Variants in SLC16A10 observed in about 807,000 individuals in gnomAD.
SLC16A10 encodes the protein monocarboxylate transporter 10.
SLC16A10 carries 27 observed loss-of-function variants against 40.0 expected under a neutral mutation model. The observed-to-expected ratio is 0.67, with a 90% CI of 0.50 to 0.93. SLC16A10 has a LOEUF of 0.93. Ranked by LOEUF, SLC16A10 falls within the 40% of genes least tolerant of loss-of-function variation. The probability of loss-of-function intolerance (pLI) is 0.00; values close to 1 mark genes in which losing one functional copy is unlikely to be tolerated. For synonymous variants in SLC16A10, 213 were observed against 249.8 expected, an observed-to-expected ratio of 0.85 and a Z score of 1.39; for missense variants, 529 against 658.2, an observed-to-expected ratio of 0.80 and a Z score of 2.15.
At chr6:111,106,715 A>G (rs534586674) in intron 1 of SLC16A10, among the ~76,000 whole-genome samples, 11 of 152,360 alleles carry the variant, frequency 7.2e-5, no homozygotes, top group Admixed American at 5.9e-4. Context: ...TCTAAGCTTA[A>G]TGATAAGTGA....
rs1554261471 is a variant in SLC16A10, at chr6:111,203,751, T to TAAATAAATAAATAAATAAAAAAAA, written c.943-2838_943-2837insTAAATAAATAAATAAAAAAAAAAA. Among the ~76,000 whole-genome samples, 3 of 147,678 alleles carry TAAATAAATAAATAAATAAAAAAAA rather than the reference T, an allele frequency of 2.0e-5. No homozygotes were observed. The East Asian group carries it at 6.0e-4, about 30-fold the overall frequency. On this transcript the variant is annotated intron_variant, in intron 3 of 5. Transcript: ENST00000368851. Reference sequence around the variant, plus strand: ...ATAAATAAATAAATAAATAAATAAATAAAATAATGCCCCTTCTAGTTGAAA... The same window carrying TAAATAAATAAATAAATAAAAAAAA: ...ATAAATAAATAAATAAATAAATAAATAAATAAATAAATAAATAAAAAAAAAAAATAATGCCCCTTCTAGTTGAAA...
At chr6:111,127,593 A>G (rs1771699370) in intron 1 of SLC16A10, among the ~76,000 whole-genome samples, 1 of 152,212 alleles carries the variant, frequency 6.6e-6, no homozygotes, top group Admixed American at 6.5e-5. Context: ...CTTTCTTGCT[A>G]GAATCTTATG....
intron 3 of SLC16A10, chr6:111,178,444 T>G (rs1170075486): frequency 1.9e-6 from 1 of 531,654 alleles, no homozygotes; most frequent in Admixed American, 1.9e-5. Flanking sequence ...ATAATTAATG[T>G]CTAGACTGGG....
At chr6:111,156,180 A>G (rs1772266448) in intron 1 of SLC16A10, among the ~76,000 whole-genome samples, 1 of 152,234 alleles carries the variant, frequency 6.6e-6, no homozygotes, top group Non-Finnish European at 1.5e-5. Context: ...TGAATAAATA[A>G]ATAAATGTGG....
intron 1 of SLC16A10, among the ~76,000 whole-genome samples, chr6:111,103,140 A>T (rs1771219289): frequency 6.6e-6 from 1 of 151,944 alleles, no homozygotes; most frequent in Non-Finnish European, 1.5e-5. Context: ...TCCTGGACTC[A>T]AGGGATCTGC....
At chr6:111,145,371 A>G (rs1772058321) in intron 1 of SLC16A10, among the ~76,000 whole-genome samples, 1 of 152,162 alleles carries the variant, frequency 6.6e-6, no homozygotes, top group South Asian at 2.1e-4. Context: ...ACTGCACTCC[A>G]GCTTAGATGA....
At chr6:111,163,655 G>T (rs777924372) in intron 1 of SLC16A10, among the ~76,000 whole-genome samples, 2 of 152,186 alleles carry the variant, frequency 1.3e-5, no homozygotes. Flanking sequence ...GGAGCCCTCT[G>T]TAGTATTCAA....
chr6:111,216,060 T>G (rs1773416229), intron 4 of SLC16A10, among the ~76,000 whole-genome samples: 1 of 152,262 alleles, frequency 6.6e-6, no homozygotes, highest in Non-Finnish European at 1.5e-5. Context: ...AATCTTTACC[T>G]GCTTGTTAAT....
intron 1 of SLC16A10, among the ~76,000 whole-genome samples, chr6:111,118,733 T>G (rs1486032305): frequency 6.6e-6 from 1 of 150,762 alleles, no homozygotes; most frequent in African/African-American, 2.4e-5. Flanking sequence ...ATGGCATTGA[T>G]GGACCACTAT....
chr6:111,194,149 G>C (rs1288552931), intron 3 of SLC16A10, among the ~76,000 whole-genome samples: 2 of 152,114 alleles, frequency 1.3e-5, no homozygotes, highest in African/African-American at 4.8e-5. Context: ...GAGTTTATAG[G>C]CTGGTAGAGT....
intron 1 of SLC16A10, among the ~76,000 whole-genome samples, chr6:111,118,417 C>T (rs968269504): frequency 1.3e-5 from 2 of 152,154 alleles, no homozygotes; most frequent in Admixed American, 6.5e-5. Context: ...TGTGGTGGCT[C>T]ACGCCTGTAA....
intron 1 of SLC16A10, among the ~76,000 whole-genome samples, chr6:111,103,598 G>A (rs1157293030): frequency 1.3e-5 from 2 of 152,170 alleles, no homozygotes; most frequent in African/African-American, 4.8e-5. Context: ...GCTCTTGAGA[G>A]GTCATGAGGG....
chr6:111,109,719 T>G (rs1245636236), intron 1 of SLC16A10, among the ~76,000 whole-genome samples: 1 of 152,146 alleles, frequency 6.6e-6, no homozygotes, highest in Non-Finnish European at 1.5e-5. Flanking sequence ...CTCAAAGTGT[T>G]GGGGTTACAA....
At chr6:111,175,770 G>C (rs2114546173) in intron 2 of SLC16A10, among the ~76,000 whole-genome samples, 1 of 151,480 alleles carries the variant, frequency 6.6e-6, no homozygotes, top group Non-Finnish European at 1.5e-5. Context: ...TGTTATCATA[G>C]CTGACTGCAG....
At chr6:111,219,815 C>T (rs955738852) in intron 5 of SLC16A10, among the ~76,000 whole-genome samples, 3 of 152,126 alleles carry the variant, frequency 2.0e-5, no homozygotes, top group African/African-American at 7.2e-5. Context: ...CATGGTGGCT[C>T]ACACCTGTAA....
At chr6:111,150,546 T>A (rs1395288223) in intron 1 of SLC16A10, among the ~76,000 whole-genome samples, 1 of 152,206 alleles carries the variant, frequency 6.6e-6, no homozygotes, top group African/African-American at 2.4e-5. Flanking sequence ...GTGTAGCAGT[T>A]ATTAATATAA....
At chr6:111,157,010 C>T (rs905844677) in intron 1 of SLC16A10, among the ~76,000 whole-genome samples, 1 of 152,180 alleles carries the variant, frequency 6.6e-6, no homozygotes, top group Non-Finnish European at 1.5e-5. Context: ...CCTCCACCTC[C>T]TGGTCTCAAG....
At chr6:111,166,930 C>A (rs1772483671) in intron 1 of SLC16A10, among the ~76,000 whole-genome samples, 2 of 152,210 alleles carry the variant, frequency 1.3e-5, no homozygotes, top group Admixed American at 6.5e-5. Flanking sequence ...TGATGTCAAA[C>A]ATACACACAT....
intron 1 of SLC16A10, among the ~76,000 whole-genome samples, chr6:111,098,464 G>C (rs1771116610): frequency 6.6e-6 from 1 of 152,136 alleles, no homozygotes; most frequent in Non-Finnish European, 1.5e-5. Context: ...TGTATCAGCA[G>C]TGTTCTGCCT....
Sources: gnomAD v4.1 joint callset for allele counts (sites outside exome capture counted in the v4.1 genomes callset) on GRCh38, gnomAD v4.1.1 for gene constraint, MANE v1.5 for transcripts, NCBI Gene and HGNC (gene_info 2026-07-23, HGNC 2026-07-21) for gene names.